CLDN19: variants seen among roughly 807,000 people sequenced by gnomAD.
The protein encoded by CLDN19 is claudin 19, also known as claudin-19.
In CLDN19, 19 loss-of-function variants were observed where a neutral mutation model predicts 24.5. The ratio of observed to expected loss-of-function variants is 0.78; its 90% CI spans 0.54 to 1.14. The LOEUF is 1.14. CLDN19 is among the 50% of genes most tolerant of loss of function. The probability of loss-of-function intolerance (pLI) is 0.00; values close to 1 mark genes in which losing one functional copy is unlikely to be tolerated. For synonymous variants in CLDN19, 117 were observed against 129.6 expected (o/e 0.90, Z 0.66); for missense variants, 250 against 295.9 (o/e 0.84, Z 1.14).
chr1:42,735,769 C>T (rs1362861718), intron 4 of CLDN19, 109 bp downstream of exon 4: 5 of 1,529,216 alleles, frequency 3.3e-6, no homozygotes, highest in Non-Finnish European at 3.5e-6. Context: ...CACCTATGCC[C>T]ATCCTATGCC....
At chr1:42,737,478 C>T (rs1387259374) in intron 3 of CLDN19, among the ~76,000 whole-genome samples, 1 of 152,256 alleles carries the variant, frequency 6.6e-6, no homozygotes, top group East Asian at 1.9e-4. Flanking sequence ...CTGCCACCAG[C>T]AGAAATGAAA....
Position 42,735,983 on chromosome 1 carries a change from A to G in CLDN19, c.521T>C (p.Leu174Pro). Residue 174 changes from leucine to proline, a missense_variant, in exon 4 of 5, where the codon CTG becomes CCG. By Grantham distance (98) the Leu-to-Pro change is moderately conservative (BLOSUM62 -3). Transcript: ENST00000296387. ...ALFVGWASAG[L>P]AVLGGSFLCC... ...GAGGAAGGAGCCGCCCAGCACGGCCAGGCCAGCTGAGGCCCAGCCCACGAA... is the reference window on the plus strand; with the variant it reads ...GAGGAAGGAGCCGCCCAGCACGGCCGGGCCAGCTGAGGCCCAGCCCACGAA... The G allele has an allele frequency of 6.4e-7, 1 of 1,574,566 alleles. No homozygotes were observed. Among genetic ancestry groups the G allele is most frequent in the East Asian group, 2.3e-5 (1 of 43,330 alleles).
intron 2 of CLDN19, 48 bp downstream of exon 2, chr1:42,738,373 G>T: frequency 6.2e-7 from 1 of 1,613,554 alleles, no homozygotes; most frequent in Non-Finnish European, 8.5e-7. Flanking sequence ...CACTGGGGCT[G>T]GGGCTGCCTG....
At chr1:42,738,833 G>C (rs957260468) in intron 1 of CLDN19, among the ~76,000 whole-genome samples, 2 of 152,152 alleles carry the variant, frequency 1.3e-5, no homozygotes, top group Admixed American at 6.5e-5. Context: ...TTTTCCGGTA[G>C]TATGATTCAC....
intron 1 of CLDN19, among the ~76,000 whole-genome samples, 187 bp downstream of exon 1, chr1:42,739,654 C>T (rs1028803566): frequency 1.3e-5 from 2 of 152,210 alleles, no homozygotes; most frequent in African/African-American, 4.8e-5. Flanking sequence ...GACCCTAGAG[C>T]CCTCCCCTCC....
intron 3 of CLDN19, among the ~76,000 whole-genome samples, chr1:42,736,830 C>T (rs1163149196): frequency 6.6e-6 from 1 of 152,220 alleles, no homozygotes; most frequent in East Asian, 1.9e-4. Context: ...GCCCAAGTGG[C>T]ATTGGGGACT....
intron 4 of CLDN19, chr1:42,735,649 C>T: frequency 1.4e-6 from 2 of 1,434,396 alleles, no homozygotes; most frequent in East Asian, 2.5e-5. Context: ...GTGCCTGGAC[C>T]TGCATCTGTG....
In CLDN19 at chr1:42,735,963, A is replaced by G. The variant is rs1035217156; in HGVS notation, c.541T>C (p.Phe181Leu). The G allele has an allele frequency of 6.3e-7, 1 of 1,576,742 alleles. No homozygotes were observed. The highest frequency in any genetic ancestry group is 1.3e-5 in the African/African-American group (1 of 74,476). Reference sequence around the variant, plus strand: ...GGCTCCGGGCATGTGCAGCAGAGGAAGGAGCCGCCCAGCACGGCCAGGCCA... The same window carrying G: ...GGCTCCGGGCATGTGCAGCAGAGGAGGGAGCCGCCCAGCACGGCCAGGCCA... The part of the protein sequence containing the change: ...SAGLAVLGGS[F>L]LCCTCPEPER... Residue 181 changes from phenylalanine (F) to leucine (L), a missense_variant, in exon 4 of 5, where the codon TTC becomes CTC. Transcript: ENST00000296387.
rs1245915070 is a variant in CLDN19 at position 42,734,274 on chromosome 1, C to T, written c.*812G>A. The T allele has an allele frequency of 6.6e-6, 1 of 152,354 alleles. No homozygotes were observed. The highest frequency in any genetic ancestry group is 1.5e-5 in the Non-Finnish European group (1 of 68,196). The allele number at this position is 152,354 out of a possible 1,614,324, so 9.4% of individuals were successfully genotyped here. A position where few individuals can be genotyped will look rare whatever the true frequency, so the allele number is the denominator to read the frequency against. On this transcript the variant is annotated 3_prime_UTR_variant, in exon 5 of 5. Transcript: ENST00000296387. ...GTACCTGGACTTCAAGACCAAAAGC[C>T]CTTCTCTGACCGCACTGCTGAGTGC...
chr1:42,735,220 TA>T, intron 4 of CLDN19, 86 bp from the exon 5 acceptor site: 1 of 1,593,462 alleles, frequency 6.3e-7, no homozygotes, highest in Non-Finnish European at 8.5e-7. Flanking sequence ...CGGACATGGG[TA>T]CTGGCCAGCG....
intron 1 of CLDN19, 81 bp from the exon 2 acceptor site, chr1:42,738,666 A>C (rs1651452976): frequency 3.6e-6 from 5 of 1,407,848 alleles, no homozygotes. Flanking sequence ...GAAGGAGCCC[A>C]GCTTGAGAGG....
In CLDN19 at chr1:42,735,056, A is replaced by G. The variant is rs781140631; in HGVS notation, c.*30T>C. On this transcript the variant is annotated 3_prime_UTR_variant, in exon 5 of 5. Coordinates refer to ENST00000296387, the MANE Select transcript of CLDN19 (RefSeq NM_148960.3). The stretch of plus-strand genomic sequence containing the variant: ...ATGAAACACACAGTCTAGGTATGGC[A>G]GGGGACAGAGCCTGGCTGGGGACTG... 3 of 1,513,064 alleles carry G rather than the reference A, an allele frequency of 2.0e-6. No homozygotes were observed. The highest frequency in any genetic ancestry group is 4.5e-5 in the East Asian group (2 of 44,486). 93.7% of individuals were successfully genotyped at this position (1,513,064 alleles called of 1,614,324 possible).
rs1228380723 is a variant in CLDN19 at position 42,738,186 on chromosome 1, C to T, written c.473+43G>A. ...TGATCCAGTGGACAAAGGTCAGTGGCCCCAGAGGAGGTAAAGCAAAAGACC... is the reference window on the plus strand; with the variant it reads ...TGATCCAGTGGACAAAGGTCAGTGGTCCCAGAGGAGGTAAAGCAAAAGACC... On this transcript the variant is annotated intron_variant, in intron 3 of 4. Transcript: ENST00000296387. 2.1e-6 allele frequency: 3 copies of T among 1,462,616 alleles called. No individual in the cohort carries two copies. The African/African-American group carries it at 4.2e-5, about 20-fold the overall frequency. 90.6% of individuals were successfully genotyped at this position (1,462,616 alleles called of 1,614,324 possible). A position where few individuals can be genotyped will look rare whatever the true frequency, so the allele number is the denominator to read the frequency against.
rs1290591903 is a variant in CLDN19 at position 42,735,015 on chromosome 1, C to G, written c.*71G>C. 15 of 1,292,694 alleles carry G rather than the reference C, an allele frequency of 1.2e-5. No individual in the cohort carries two copies. In the Middle Eastern group the frequency reaches 7.3e-4, roughly 63 times the overall value. 80.1% of individuals were successfully genotyped at this position (1,292,694 alleles called of 1,614,324 possible). Reference sequence around the variant, plus strand: ...CATGATTGGGGCTGGATGTTCACTTCTCTTTCCAAAAAAATATGAAACACA... The same window carrying G: ...CATGATTGGGGCTGGATGTTCACTTGTCTTTCCAAAAAAATATGAAACACA... On this transcript the variant is annotated 3_prime_UTR_variant, in exon 5 of 5. Coordinates refer to ENST00000296387, the MANE Select transcript of CLDN19 (RefSeq NM_148960.3).
At chr1:42,738,617 T>A in intron 1 of CLDN19, 32 bp from the exon 2 acceptor site, 1 of 1,602,546 alleles carries the variant, frequency 6.2e-7, no homozygotes, top group Non-Finnish European at 8.5e-7. Context: ...TGAGTCGGGC[T>A]GGCGGGGATG....
chr1:42,734,956 G>C lies in CLDN19; in HGVS notation c.*130C>G. 1.3e-6 allele frequency: 1 copy of C among 798,222 alleles called. No individual in the cohort carries two copies. The highest frequency in any genetic ancestry group is 2.1e-5 in the Admixed American group (1 of 47,664). The allele number at this position is 798,222 out of a possible 1,614,324, so 49.4% of individuals were successfully genotyped here. A position where few individuals can be genotyped will look rare whatever the true frequency, so the allele number is the denominator to read the frequency against. On this transcript the variant is annotated 3_prime_UTR_variant, in exon 5 of 5. Coordinates refer to ENST00000296387, the MANE Select transcript of CLDN19 (RefSeq NM_148960.3). ...CACTGACCACTCTGACACAGGCCCCGTCCAAGCCACGCTGAGGACAGACCG... is the reference window on the plus strand; with the variant it reads ...CACTGACCACTCTGACACAGGCCCCCTCCAAGCCACGCTGAGGACAGACCG...
intron 3 of CLDN19, 94 bp from the exon 4 acceptor site, chr1:42,736,124 G>C: frequency 1.3e-6 from 1 of 750,334 alleles, no homozygotes; most frequent in Non-Finnish European, 2.2e-6. Flanking sequence ...AGTGTGTGGA[G>C]CTGGAGGCTG....
intron 1 of CLDN19, 27 bp from the exon 2 acceptor site, chr1:42,738,612 C>T (rs374255782): frequency 3.6e-5 from 58 of 1,602,712 alleles, no homozygotes; most frequent in East Asian, 1.8e-4. Flanking sequence ...GACACTGAGT[C>T]GGGCTGGCGG....
At position 42,733,560 on chromosome 1, in the gene CLDN19, A is replaced by G. The variant is rs1651254819; in HGVS notation, c.*1526T>C. On this transcript the variant is annotated 3_prime_UTR_variant, in exon 5 of 5. Transcript: ENST00000296387. ...GAGTGTCTGGGGTTGGAGCCTAGGCATTGTGCCCCCAGGTGATTCGAATGT... is the reference window on the plus strand; with the variant it reads ...GAGTGTCTGGGGTTGGAGCCTAGGCGTTGTGCCCCCAGGTGATTCGAATGT... 1 of 152,210 alleles carries G rather than the reference A, an allele frequency of 6.6e-6. No individual in the cohort carries two copies. The highest frequency in any genetic ancestry group is 1.5e-5 in the Non-Finnish European group (1 of 68,078). The allele number at this position is 152,210 out of a possible 1,614,324, so 9.4% of individuals were successfully genotyped here. A position where few individuals can be genotyped will look rare whatever the true frequency, so the allele number is the denominator to read the frequency against.
Sources: allele counts gnomAD v4.1 joint callset (sites outside exome capture counted in the v4.1 genomes callset), GRCh38; gene constraint gnomAD v4.1.1; transcripts MANE v1.5; gene names NCBI Gene and HGNC (gene_info 2026-07-23, HGNC 2026-07-21).